The following RAB3C variants were observed in gnomAD, a reference collection of about 807,000 sequenced individuals.
RAB3C encodes the protein ras-related protein Rab-3C.
A neutral mutation model predicts 26.4 loss-of-function variants in RAB3C; 17 were observed. The ratio of observed to expected loss-of-function variants is 0.64; its 90% confidence interval spans 0.44 to 0.97. RAB3C has a LOEUF of 0.97. Ranked by LOEUF, RAB3C falls within the 50% of genes least tolerant of loss-of-function variation. The pLI is 0.00. For missense variants in RAB3C, 242 were observed against 281.9 expected (o/e 0.86, Z 1.01); for synonymous variants, 91 against 95.9 (o/e 0.95, Z 0.30).
At chr5:58,588,534 T>C (rs1746059828) in intron 1 of RAB3C, among the ~76,000 whole-genome samples, 1 of 152,196 alleles carries the variant, frequency 6.6e-6, no homozygotes, top group African/African-American at 2.4e-5. Context: ...TTTAACCTTT[T>C]ATGCATCTGG....
At chr5:58,705,818 C>A (rs1343896424) in intron 2 of RAB3C, among the ~76,000 whole-genome samples, 1 of 152,062 alleles carries the variant, frequency 6.6e-6, no homozygotes, top group Non-Finnish European at 1.5e-5. Flanking sequence ...TAACTTGTTT[C>A]TGGAAATGAA....
chr5:58,703,165 C>A (rs1008629480), intron 2 of RAB3C, among the ~76,000 whole-genome samples: 1 of 152,010 alleles, frequency 6.6e-6, no homozygotes, highest in Non-Finnish European at 1.5e-5. Context: ...TGAATAAGAT[C>A]TTGTTTATTC....
chr5:58,813,779 A>C (rs1743152800), intron 3 of RAB3C, among the ~76,000 whole-genome samples: 1 of 70,326 alleles, frequency 1.4e-5, no homozygotes. Flanking sequence ...TATTCAGTGA[A>C]TGCACACATA....
intron 4 of RAB3C, among the ~76,000 whole-genome samples, chr5:58,834,480 A>G (rs537260334): frequency 8.4e-4 from 128 of 152,376 alleles, no homozygotes; most frequent in African/African-American, 2.8e-3. Context: ...GCCTATTTTT[A>G]AAACTCAAAC....
At chr5:58,706,222 G>C (rs1303458807) in intron 2 of RAB3C, among the ~76,000 whole-genome samples, 1 of 152,100 alleles carries the variant, frequency 6.6e-6, no homozygotes, top group Non-Finnish European at 1.5e-5. Flanking sequence ...ATTGAGAACT[G>C]AGATCCATCA....
At chr5:58,815,629 G>A (rs1489582449) in intron 3 of RAB3C, 1 of 152,096 alleles carries the variant, frequency 6.6e-6, no homozygotes, top group East Asian at 1.9e-4. Context: ...CACATAAGAT[G>A]GTAATTTATT....
chr5:58,732,565 C>A (rs1741050129), intron 3 of RAB3C, among the ~76,000 whole-genome samples: 1 of 152,048 alleles, frequency 6.6e-6, no homozygotes, highest in East Asian at 1.9e-4. Context: ...CTGTGAGTGG[C>A]TGGGCAAATA....
At chr5:58,732,535 C>T (rs1202785266) in intron 3 of RAB3C, among the ~76,000 whole-genome samples, 1 of 152,044 alleles carries the variant, frequency 6.6e-6, no homozygotes, top group Non-Finnish European at 1.5e-5. Flanking sequence ...AGAATATTTG[C>T]GCACCTTCAG....
intron 1 of RAB3C, among the ~76,000 whole-genome samples, chr5:58,601,643 A>G (rs1242285863): frequency 2.0e-5 from 3 of 152,094 alleles, no homozygotes; most frequent in Non-Finnish European, 2.9e-5. Context: ...AAAGGTGTTC[A>G]TAGAGCCTTG....
chr5:58,664,446 A>G (rs1747964456), intron 2 of RAB3C, among the ~76,000 whole-genome samples: 1 of 152,200 alleles, frequency 6.6e-6, no homozygotes, highest in Admixed American at 6.5e-5. Flanking sequence ...GAACCATTTC[A>G]GAATAGCGGT....
chr5:58,615,985 G>GAC (rs58004467), intron 1 of RAB3C, among the ~76,000 whole-genome samples: 48,054 of 149,454 alleles, frequency 0.32, 7,707 homozygotes, highest in East Asian at 0.44. Flanking sequence ...CACACACACA[G>GAC]ACACACACAC....
chr5:58,825,085 TG>T lies in RAB3C; in HGVS notation c.421del (p.Val141LeufsTer21). 6.2e-7 allele frequency: 1 copy of T among 1,613,608 alleles called. No individual in the cohort carries two copies. ...TYSWDNAQVI[L>X]VGNKCDMEDE... ...TCTTGGGACAATGCCCAAGTTATTC[TG>T]GTTGGGAACAAGTGTGACATGGAAG... On this transcript the variant is annotated frameshift_variant, in exon 4 of 5. Transcript: ENST00000282878. LOFTEE classifies it high-confidence loss of function.
chr5:58,603,126 A>G (rs1746492100), intron 1 of RAB3C, among the ~76,000 whole-genome samples: 1 of 152,110 alleles, frequency 6.6e-6, no homozygotes, highest in Admixed American at 6.6e-5. Flanking sequence ...TGTTTGAGGA[A>G]GCTGAAGATA....
chr5:58,610,187 TG>T (rs1184358986), intron 1 of RAB3C, among the ~76,000 whole-genome samples: 1 of 134,338 alleles, frequency 7.4e-6, no homozygotes, highest in African/African-American at 2.9e-5. Context: ...AAATGATTTT[TG>T]TTTTTCTGTG....
intron 4 of RAB3C, among the ~76,000 whole-genome samples, chr5:58,850,165 G>A (rs1744084819): frequency 6.6e-6 from 1 of 152,204 alleles, no homozygotes; most frequent in Non-Finnish European, 1.5e-5. Flanking sequence ...AAACAATAGA[G>A]TGATAAGACT....
intron 3 of RAB3C, among the ~76,000 whole-genome samples, chr5:58,787,025 T>A (rs1436268569): frequency 6.6e-6 from 1 of 151,980 alleles, no homozygotes; most frequent in Non-Finnish European, 1.5e-5. Flanking sequence ...CAAGATTCGA[T>A]GTCTTGGAAA....
intron 3 of RAB3C, among the ~76,000 whole-genome samples, chr5:58,733,569 T>C (rs1438603437): frequency 6.6e-6 from 1 of 152,204 alleles, no homozygotes; most frequent in East Asian, 1.9e-4. Flanking sequence ...TAAAGGCTAC[T>C]TCTTTTTTAA....
At chr5:58,679,750 CT>C (rs1484878430) in intron 2 of RAB3C, among the ~76,000 whole-genome samples, 2 of 152,158 alleles carry the variant, frequency 1.3e-5, no homozygotes, top group Non-Finnish European at 2.9e-5. Context: ...ATTCAAAAAT[CT>C]GAATCAGAAT....
intron 2 of RAB3C, among the ~76,000 whole-genome samples, chr5:58,667,938 A>C (rs750994645): frequency 4.6e-5 from 7 of 152,096 alleles, no homozygotes; most frequent in Non-Finnish European, 4.4e-5. Flanking sequence ...ATTAATATTC[A>C]TCCTCCATTG....
Sources: gnomAD v4.1 joint callset for allele counts (sites outside exome capture counted in the v4.1 genomes callset) on GRCh38, gnomAD v4.1.1 for gene constraint, MANE v1.5 for transcripts, NCBI Gene and HGNC (gene_info 2026-07-23, HGNC 2026-07-21) for gene names.